The following MALRD1 variants were observed in gnomAD, a reference collection of about 807,000 sequenced individuals.
The protein encoded by MALRD1 is MAM and LDL-receptor class A domain-containing protein 1.
Under a neutral mutation model 242.1 loss-of-function variants are expected in MALRD1, and 247 were observed. That is an observed-to-expected ratio of 1.02 (90% CI 0.92 to 1.13). The LOEUF (loss-of-function observed/expected upper bound fraction) is 1.13. Ranked by LOEUF, MALRD1 falls within the 50% of genes most tolerant of loss-of-function variation. The pLI is 0.00. For missense variants in MALRD1, 2,989 were observed against 2,533.1 expected (o/e 1.18, Z -3.86); for synonymous variants, 995 against 866.6 (o/e 1.15, Z -2.60).
chr10:19,595,074 A>T, intron 33 of MALRD1, 120 bp from the exon 34 acceptor site: 1 of 1,005,584 alleles, frequency 9.9e-7, no homozygotes, highest in Non-Finnish European at 1.4e-6. Context: ...ATTAGAAATT[A>T]ATTTACTTCA....
Position 19,266,383 on chromosome 10 carries a change from A to G in MALRD1, c.3079+8612A>G, listed in dbSNP as rs540877063. Among the ~76,000 whole-genome samples the G allele has an allele frequency of 6.3e-4, 95 of 151,924 alleles. 2 individuals are homozygous for G. In the South Asian group the frequency reaches 0.019, roughly 30 times the overall value. ...TCTCTTTACCTTTTGTGTATTTACT[A>G]TAGGTTTTTGCTATGTGTTTAACAT... On this transcript the variant is annotated intron_variant, in intron 19 of 39. Transcript: ENST00000454679.
chr10:19,158,858 A>G (rs1461672783), intron 12 of MALRD1, among the ~76,000 whole-genome samples: 1 of 152,238 alleles, frequency 6.6e-6, no homozygotes, highest in African/African-American at 2.4e-5. Context: ...ATGTCTTACA[A>G]TGTCCCCAAA....
intron 28 of MALRD1, among the ~76,000 whole-genome samples, chr10:19,390,674 T>C (rs925425486): frequency 6.6e-6 from 1 of 152,188 alleles, no homozygotes; most frequent in Non-Finnish European, 1.5e-5. Context: ...CATTGCTTTT[T>C]TTTTTAATGA....
In MALRD1 at chr10:19,186,953, G is replaced by A. The variant is rs139497858; in HGVS notation, c.1951+11625G>A. 2.1e-3 allele frequency among the ~76,000 whole-genome samples: 320 copies of A among 152,178 alleles called. 2 individuals are homozygous for A. Among genetic ancestry groups the A allele is most frequent in the African/African-American group, 7.3e-3 (302 of 41,506 alleles). On this transcript the variant is annotated intron_variant, in intron 14 of 39. Coordinates refer to ENST00000454679, the MANE Select transcript of MALRD1 (RefSeq NM_001142308.3). ...TGTTCCAAGCATCCAAGCAATCGAC[G>A]TCTCCCTGCCTTGCAGAAACACACC... is the stretch of plus-strand genomic sequence containing the variant.
intron 33 of MALRD1, among the ~76,000 whole-genome samples, chr10:19,577,382 G>A (rs1836882436): frequency 6.6e-6 from 1 of 152,148 alleles, no homozygotes; most frequent in East Asian, 1.9e-4. Context: ...AAACATTAGA[G>A]CCAGAAAATG....
intron 28 of MALRD1, among the ~76,000 whole-genome samples, chr10:19,436,781 A>AT (rs1834366984): frequency 6.6e-6 from 1 of 152,166 alleles, no homozygotes; most frequent in Non-Finnish European, 1.5e-5. Context: ...ATCTTTTTAA[A>AT]TGGCTTACTT....
At chr10:19,543,232 A>G (rs1322255371) in intron 32 of MALRD1, among the ~76,000 whole-genome samples, 1 of 151,824 alleles carries the variant, frequency 6.6e-6, no homozygotes, top group African/African-American at 2.4e-5. Context: ...CTACAGATGT[A>G]AAAATCATGC....
At chr10:19,106,825 G>T (rs1016836537) in intron 5 of MALRD1, among the ~76,000 whole-genome samples, 5 of 151,768 alleles carry the variant, frequency 3.3e-5, no homozygotes, top group Non-Finnish European at 7.4e-5. Context: ...TTGGTAGGTT[G>T]TTTCTCCATC....
At chr10:19,171,427 TAC>T (rs1430229473) in intron 13 of MALRD1, among the ~76,000 whole-genome samples, 6,510 of 21,906 alleles carry the variant, frequency 0.3, 640 homozygotes, top group South Asian at 0.38. Flanking sequence ...ATATTTTATA[TAC>T]ATATATATAT....
At chr10:19,105,255 A>T (rs540356091) in intron 5 of MALRD1, among the ~76,000 whole-genome samples, 10 of 152,130 alleles carry the variant, frequency 6.6e-5, no homozygotes, top group African/African-American at 2.4e-4. Context: ...GATGAGTAAG[A>T]TAATGTGGTA....
At chr10:19,579,928 G>A (rs539341689) in intron 33 of MALRD1, among the ~76,000 whole-genome samples, 3 of 152,282 alleles carry the variant, frequency 2.0e-5, no homozygotes, top group African/African-American at 7.2e-5. Context: ...CAGTCAATAT[G>A]AGCTAGAGCT....
chr10:19,477,941 G>C (rs1002973640), intron 29 of MALRD1, among the ~76,000 whole-genome samples: 1 of 152,180 alleles, frequency 6.6e-6, no homozygotes, highest in Non-Finnish European at 1.5e-5. Flanking sequence ...GAACATGCCT[G>C]GCTCCCAAGT....
chr10:19,374,144 T>C (rs1845501777), intron 26 of MALRD1, among the ~76,000 whole-genome samples: 1 of 152,212 alleles, frequency 6.6e-6, no homozygotes, highest in Non-Finnish European at 1.5e-5. Context: ...TGACTTAGTC[T>C]GCATATATAA....
At chr10:19,324,639 C>G (rs1246991335) in intron 22 of MALRD1, among the ~76,000 whole-genome samples, 1 of 150,438 alleles carries the variant, frequency 6.6e-6, no homozygotes, top group African/African-American at 2.4e-5. Flanking sequence ...TGGTAATGTC[C>G]CCTATAGAAA....
At chr10:19,126,780 G>A (rs1221217208) in intron 7 of MALRD1, among the ~76,000 whole-genome samples, 1 of 151,598 alleles carries the variant, frequency 6.6e-6, no homozygotes, top group East Asian at 1.9e-4. Context: ...TAAGTTCCAG[G>A]CTACATGTGC....
chr10:19,062,596 C>T (rs944140547), intron 1 of MALRD1, among the ~76,000 whole-genome samples: 3 of 152,104 alleles, frequency 2.0e-5, no homozygotes, highest in African/African-American at 4.8e-5. Context: ...ACCTTGAAGA[C>T]GTTATGCTAA....
At chr10:19,132,386 G>T (rs17645913) in intron 8 of MALRD1, among the ~76,000 whole-genome samples, 2 of 152,078 alleles carry the variant, frequency 1.3e-5, no homozygotes, top group African/African-American at 4.8e-5. Context: ...TGTCCACCCC[G>T]TGTGCTTCAC....
intron 26 of MALRD1, among the ~76,000 whole-genome samples, chr10:19,381,739 T>C (rs1845847105): frequency 6.6e-6 from 1 of 151,762 alleles, no homozygotes. Flanking sequence ...CTTAGGAGGC[T>C]GAGGCAGGAG....
intron 18 of MALRD1, among the ~76,000 whole-genome samples, chr10:19,255,151 C>T (rs1207191196): frequency 3.9e-5 from 6 of 151,992 alleles, no homozygotes; most frequent in South Asian, 2.1e-4. Flanking sequence ...ATTTCCAAGA[C>T]GATGATAGTT....
Sources: allele counts gnomAD v4.1 joint callset (sites outside exome capture counted in the v4.1 genomes callset), GRCh38; gene constraint gnomAD v4.1.1; transcripts MANE v1.5; gene names NCBI Gene and HGNC (gene_info 2026-07-23, HGNC 2026-07-21).